PITPNC1: variants seen among roughly 807,000 people sequenced by gnomAD.
The protein encoded by PITPNC1 is phosphatidylinositol transfer protein cytoplasmic 1, also known as cytoplasmic phosphatidylinositol transfer protein 1.
PITPNC1 carries 18 observed loss-of-function variants against 44.7 expected under a neutral mutation model. That is an observed-to-expected ratio of 0.40 (90% CI 0.28 to 0.60). The LOEUF (loss-of-function observed/expected upper bound fraction) is 0.60. Among genes scored for constraint, PITPNC1 ranks in the 20% least tolerant of loss-of-function variants. The pLI is 0.39. For synonymous variants in PITPNC1, 141 were observed against 149.6 expected, an observed-to-expected ratio of 0.94 and a Z score of 0.42; for missense variants, 290 against 418.4, an observed-to-expected ratio of 0.69 and a Z score of 2.68.
chr17:67,403,403 A>C (rs2038351945), intron 1 of PITPNC1, among the ~76,000 whole-genome samples: 1 of 152,198 alleles, frequency 6.6e-6, no homozygotes, highest in South Asian at 2.1e-4. Flanking sequence ...GAAACAGTTT[A>C]AGATTATAAT....
intron 1 of PITPNC1, among the ~76,000 whole-genome samples, chr17:67,531,368 C>T (rs1452977531): frequency 6.6e-6 from 1 of 152,238 alleles, no homozygotes; most frequent in Non-Finnish European, 1.5e-5. Context: ...CACATACGCT[C>T]ACGTTAAAAG....
chr17:67,476,203 T>C (rs1457447856), intron 1 of PITPNC1, among the ~76,000 whole-genome samples: 4 of 151,102 alleles, frequency 2.6e-5, no homozygotes, highest in Non-Finnish European at 5.9e-5. Flanking sequence ...TTTTTTTTTT[T>C]GAGATGGAGT....
intron 4 of PITPNC1, among the ~76,000 whole-genome samples, chr17:67,576,615 T>G (rs2144227941): frequency 6.7e-6 from 1 of 149,638 alleles, no homozygotes; most frequent in South Asian, 2.1e-4. Context: ...AATGCCCAGC[T>G]TAGGGCTAGC....
At chr17:67,577,172 G>A (rs1224720613) in intron 4 of PITPNC1, among the ~76,000 whole-genome samples, 4 of 152,040 alleles carry the variant, frequency 2.6e-5, no homozygotes, top group African/African-American at 9.7e-5. Flanking sequence ...TATAGCTGTA[G>A]TCCCAGCTAC....
In PITPNC1 at chr17:67,669,631, C is replaced by T; in HGVS notation, c.586C>T (p.Leu196Phe). The part of the protein sequence containing the change: ...LVTVKFEVWG[L>F]QTRVEQFVHK... ...GACTGTGAAGTTTGAGGTCTGGGGG[C>T]TTCAGACCAGAGTGGAACAATTTGT... The change falls in exon 7 of 9, where the codon CTT becomes TTT. Residue 196 changes from leucine (L) to phenylalanine (F), a missense_variant. Coordinates refer to ENST00000581322, the MANE Select transcript of PITPNC1 (RefSeq NM_012417.4). 1 of 1,601,470 alleles carries T rather than the reference C, an allele frequency of 6.2e-7. No homozygotes were observed. The highest frequency in any genetic ancestry group is 1.1e-5 in the South Asian group (1 of 88,718).
At chr17:67,606,942 G>A (rs1460404097) in intron 5 of PITPNC1, among the ~76,000 whole-genome samples, 5 of 152,118 alleles carry the variant, frequency 3.3e-5, no homozygotes, top group South Asian at 4.1e-4. Flanking sequence ...CCTGGCAGTC[G>A]CTTGACCTTA....
chr17:67,386,373 A>T (rs974590649), intron 1 of PITPNC1, among the ~76,000 whole-genome samples: 2 of 152,068 alleles, frequency 1.3e-5, no homozygotes, highest in Non-Finnish European at 2.9e-5. Context: ...TTGTATTTTT[A>T]GTAGAGTCGG....
Position 67,414,056 on chromosome 17 carries a change from A to G in PITPNC1, c.48+35854A>G, listed in dbSNP as rs79878458. The stretch of plus-strand genomic sequence containing the variant: ...TCTTTATTGAATACCAAACCATGTT[A>G]TGGTAACTTGGACTTTAATAAAAGG... On this transcript the variant is annotated intron_variant, in intron 1 of 8. Coordinates refer to ENST00000581322, the MANE Select transcript of PITPNC1 (RefSeq NM_012417.4). 6.0e-3 allele frequency among the ~76,000 whole-genome samples: 913 copies of G among 151,778 alleles called. 5 individuals carry two copies. The highest frequency in any genetic ancestry group is 9.5e-3 in the Non-Finnish European group (648 of 67,972).
chr17:67,522,896 T>A (rs1302593180), intron 1 of PITPNC1, among the ~76,000 whole-genome samples: 1 of 151,896 alleles, frequency 6.6e-6, no homozygotes, highest in African/African-American at 2.4e-5. Flanking sequence ...TCACCAACTC[T>A]TGGGCTCAAG....
chr17:67,560,400 A>T (rs948707003), intron 4 of PITPNC1, among the ~76,000 whole-genome samples: 8 of 152,194 alleles, frequency 5.3e-5, no homozygotes, highest in Non-Finnish European at 1.2e-4. Context: ...GCCCAACAGT[A>T]ATGGAAGTGT....
chr17:67,646,627 G>A lies in PITPNC1; in HGVS notation c.462+14389G>A, dbSNP rs185301767. Among the ~76,000 whole-genome samples the A allele has an allele frequency of 2.2e-3, 331 of 152,190 alleles. 1 individual carries two copies. Among genetic ancestry groups the A allele is most frequent in the African/African-American group, 6.7e-3 (277 of 41,534 alleles). On this transcript the variant is annotated intron_variant, in intron 6 of 8. Coordinates refer to ENST00000581322, the MANE Select transcript of PITPNC1 (RefSeq NM_012417.4). Reference sequence around the variant, plus strand: ...AACCTCCACCCCTCCAGGCTCAAGCGATCCTCCTACCACAGCCTCCTGACT... The same window carrying A: ...AACCTCCACCCCTCCAGGCTCAAGCAATCCTCCTACCACAGCCTCCTGACT...
At chr17:67,450,919 G>A (rs1252221684) in intron 1 of PITPNC1, among the ~76,000 whole-genome samples, 2 of 152,038 alleles carry the variant, frequency 1.3e-5, no homozygotes, top group Non-Finnish European at 2.9e-5. Flanking sequence ...CTATGAATTG[G>A]CCTATTCTAG....
intron 5 of PITPNC1, among the ~76,000 whole-genome samples, chr17:67,599,034 A>ATATATATATATATATATTTTTT (rs1461493250): frequency 2.8e-5 from 1 of 35,688 alleles, no homozygotes; most frequent in Non-Finnish European, 4.9e-5. Context: ...ATATATATAT[A>ATATATATATATATATATTTTTT]TTTTTTTTTT....
intron 8 of PITPNC1, among the ~76,000 whole-genome samples, chr17:67,682,988 C>T (rs1050419596): frequency 1.3e-5 from 2 of 151,730 alleles, no homozygotes; most frequent in Admixed American, 6.6e-5. Context: ...GGTGAAACCC[C>T]GTCACTACTA....
chr17:67,509,829 T>C (rs1197587988), intron 1 of PITPNC1, among the ~76,000 whole-genome samples: 2 of 152,138 alleles, frequency 1.3e-5, no homozygotes, highest in Non-Finnish European at 2.9e-5. Context: ...GGCTGAGTTT[T>C]TATTTGGGGG....
Position 67,491,352 on chromosome 17 carries a change from G to A in PITPNC1, c.49-41450G>A, listed in dbSNP as rs182446374. Reference sequence around the variant, plus strand: ...CCAGCATGAGTCACAATGCCGGGCCGTTCATTAAGAAATGCTTTCTGGGTC... The same window carrying A: ...CCAGCATGAGTCACAATGCCGGGCCATTCATTAAGAAATGCTTTCTGGGTC... On this transcript the variant is annotated intron_variant, in intron 1 of 8. Transcript: ENST00000581322. Among the ~76,000 whole-genome samples, 21 of 152,308 alleles carry A rather than the reference G, an allele frequency of 1.4e-4. 1 individual carries two copies. Among genetic ancestry groups the A allele is most frequent in the Middle Eastern group, 6.8e-3 (2 of 294 alleles).
At chr17:67,625,660 G>T (rs745706013) in intron 5 of PITPNC1, among the ~76,000 whole-genome samples, 14 of 152,102 alleles carry the variant, frequency 9.2e-5, no homozygotes, top group African/African-American at 3.4e-4. Flanking sequence ...CCACTGCTCC[G>T]TGGCAGCCCC....
chr17:67,425,193 G>GCGCGCGCGCGCGCACACACACACACA (rs1160522771), intron 1 of PITPNC1, among the ~76,000 whole-genome samples: 1 of 52,122 alleles, frequency 1.9e-5, no homozygotes, highest in African/African-American at 1.0e-4. Flanking sequence ...TTGTGCGCGC[G>GCGCGCGCGCGCGCACACACACACACA]CACGCACACG....
chr17:67,611,114 AT>A (rs2041682306), intron 5 of PITPNC1, among the ~76,000 whole-genome samples: 1 of 152,168 alleles, frequency 6.6e-6, no homozygotes, highest in Non-Finnish European at 1.5e-5. Context: ...ACAGCAAAAA[AT>A]AAAAATTAAA....
Sources: gnomAD v4.1 joint callset for allele counts (sites outside exome capture counted in the v4.1 genomes callset) on GRCh38, gnomAD v4.1.1 for gene constraint, MANE v1.5 for transcripts, NCBI Gene and HGNC (gene_info 2026-07-23, HGNC 2026-07-21) for gene names.